RHOH: variants seen among roughly 807,000 people sequenced by gnomAD.
RHOH encodes the protein ras homolog family member H, also known as rho-related GTP-binding protein RhoH.
RHOH carries 6 observed loss-of-function variants against 13.8 expected under a neutral mutation model. The observed-to-expected ratio is 0.44, with a 90% confidence interval of 0.24 to 0.86. RHOH has a LOEUF of 0.86. Ranked by LOEUF, RHOH falls within the 40% of genes least tolerant of loss-of-function variation. The pLI is 0.24. For missense variants in RHOH, 147 were observed against 244.5 expected (o/e 0.60, Z 2.66); for synonymous variants, 117 against 103.0 (o/e 1.14, Z -0.82).
At chr4:40,199,905 A>T (rs954636371) in intron 1 of RHOH, among the ~76,000 whole-genome samples, 10 of 152,342 alleles carry the variant, frequency 6.6e-5, no homozygotes, top group African/African-American at 2.4e-4. Context: ...CCTTTAAAAA[A>T]ATGCAAATCC....
upstream of RHOH, among the ~76,000 whole-genome samples, chr4:40,191,841 G>C (rs1722720883): frequency 6.6e-6 from 1 of 151,728 alleles, no homozygotes; most frequent in Non-Finnish European, 1.5e-5. Flanking sequence ...TAAATGATGA[G>C]AATAACAGCA....
upstream of RHOH, among the ~76,000 whole-genome samples, chr4:40,194,906 C>T (rs774818757): frequency 1.3e-5 from 2 of 152,166 alleles, no homozygotes; most frequent in African/African-American, 2.4e-5. Flanking sequence ...TCACTTCAGC[C>T]GTGTTGTCTT....
intron 1 of RHOH, among the ~76,000 whole-genome samples, chr4:40,241,749 G>C (rs902723229): frequency 6.6e-6 from 1 of 152,058 alleles, no homozygotes; most frequent in African/African-American, 2.4e-5. Context: ...AATTAGCCCG[G>C]TGTGGTGGCA....
chr4:40,239,307 C>T (rs1171978813), intron 1 of RHOH, among the ~76,000 whole-genome samples: 2 of 152,156 alleles, frequency 1.3e-5, no homozygotes, highest in Non-Finnish European at 1.5e-5. Flanking sequence ...CTTGATTGAA[C>T]AGAGACTTTT....
intron 1 of RHOH, among the ~76,000 whole-genome samples, chr4:40,227,187 A>G (rs1727352020): frequency 6.6e-6 from 1 of 151,958 alleles, no homozygotes; most frequent in Admixed American, 6.6e-5. Context: ...AAAAACAAAC[A>G]AAAAACATTG....
intron 1 of RHOH, among the ~76,000 whole-genome samples, chr4:40,202,698 GAAGT>G (rs1220882924): frequency 6.6e-6 from 1 of 152,136 alleles, no homozygotes; most frequent in Non-Finnish European, 1.5e-5. Flanking sequence ...GGAGGAGGAA[GAAGT>G]AAGTAACTGT....
At chr4:40,222,069 G>T (rs1258002919) in intron 1 of RHOH, among the ~76,000 whole-genome samples, 3 of 152,196 alleles carry the variant, frequency 2.0e-5, no homozygotes, top group Non-Finnish European at 2.9e-5. Context: ...TTCTATGAAG[G>T]TTGAATGAAG....
intron 1 of RHOH, among the ~76,000 whole-genome samples, chr4:40,217,302 AC>A (rs1175163197): frequency 1.3e-5 from 2 of 152,128 alleles, no homozygotes; most frequent in Non-Finnish European, 2.9e-5. Flanking sequence ...AGCAAATGTT[AC>A]CTCTTCCCGG....
chr4:40,210,412 C>G (rs1031818445), intron 1 of RHOH, among the ~76,000 whole-genome samples: 23 of 152,048 alleles, frequency 1.5e-4, no homozygotes, highest in Admixed American at 9.8e-4. Flanking sequence ...CAGCTTCTAG[C>G]CATGTACTCC....
intron 1 of RHOH, among the ~76,000 whole-genome samples, chr4:40,219,283 A>G (rs560157807): frequency 1.6e-4 from 25 of 152,142 alleles, no homozygotes; most frequent in African/African-American, 5.8e-4. Context: ...ATGGTGGCAC[A>G]TGCCTGAAGT....
intron 1 of RHOH, among the ~76,000 whole-genome samples, chr4:40,229,561 G>T (rs528253319): frequency 2.0e-5 from 3 of 151,844 alleles, no homozygotes; most frequent in Non-Finnish European, 2.9e-5. Flanking sequence ...TTGAACCTTG[G>T]GGGTGGAGGT....
At chr4:40,201,087 T>A (rs1723914488) in intron 1 of RHOH, among the ~76,000 whole-genome samples, 1 of 152,198 alleles carries the variant, frequency 6.6e-6, no homozygotes, top group Non-Finnish European at 1.5e-5. Flanking sequence ...CTCATCACAT[T>A]TGCCTGAGAA....
chr4:40,209,934 A>G (rs903071872), intron 1 of RHOH, among the ~76,000 whole-genome samples: 2 of 152,214 alleles, frequency 1.3e-5, no homozygotes, highest in African/African-American at 4.8e-5. Context: ...GTAATACCAA[A>G]TATCTAAAAG....
intron 1 of RHOH, among the ~76,000 whole-genome samples, chr4:40,236,666 C>T (rs1340762117): frequency 6.6e-6 from 1 of 151,926 alleles, no homozygotes; most frequent in African/African-American, 2.4e-5. Context: ...TGGTGTGCTC[C>T]CGTAGTCCCA....
At chr4:40,200,411 A>G (rs1723815262) in intron 1 of RHOH, 1 of 152,116 alleles carries the variant, frequency 6.6e-6, no homozygotes, top group African/African-American at 2.4e-5. Context: ...TAAGAAACTG[A>G]AATTCCATGT....
intron 1 of RHOH, among the ~76,000 whole-genome samples, chr4:40,239,033 C>A (rs1272551509): frequency 6.6e-6 from 1 of 152,162 alleles, no homozygotes; most frequent in Admixed American, 6.6e-5. Context: ...GCAGCTCCTC[C>A]CCTACCTCCC....
intron 1 of RHOH, among the ~76,000 whole-genome samples, chr4:40,225,400 A>G (rs769210311): frequency 2.0e-5 from 3 of 152,036 alleles, no homozygotes; most frequent in Non-Finnish European, 2.9e-5. Context: ...TGATTTTTTT[A>G]AAGTTCAATT....
intron 1 of RHOH, among the ~76,000 whole-genome samples, chr4:40,202,803 AG>A (rs1452565139): frequency 6.6e-6 from 1 of 152,174 alleles, no homozygotes; most frequent in African/African-American, 2.4e-5. Context: ...AGGCGAGAGA[AG>A]GTTTCTTAGG....
At chr4:40,241,487 G>A (rs1445870417) in intron 1 of RHOH, among the ~76,000 whole-genome samples, 2 of 152,202 alleles carry the variant, frequency 1.3e-5, no homozygotes, top group Non-Finnish European at 2.9e-5. Context: ...TGGCTTACAT[G>A]TGTTTAAAAA....
Sources: allele counts gnomAD v4.1 joint callset (sites outside exome capture counted in the v4.1 genomes callset), GRCh38; gene constraint gnomAD v4.1.1; transcripts MANE v1.5; gene names NCBI Gene and HGNC (gene_info 2026-07-23, HGNC 2026-07-21).